MRGPRX3: variants seen among roughly 807,000 people sequenced by gnomAD.
MRGPRX3 encodes mas-related G protein-coupled receptor member X3.
A neutral mutation model predicts 16.5 loss-of-function variants in MRGPRX3; 14 were observed. The ratio of observed to expected loss-of-function variants is 0.85; its 90% CI spans 0.56 to 1.33. The LOEUF (loss-of-function observed/expected upper bound fraction) is 1.33, where lower values mean the gene tolerates loss of function less well. Ranked by LOEUF, MRGPRX3 falls within the 40% of genes most tolerant of loss-of-function variation. The pLI is 0.00. For missense variants in MRGPRX3, 449 were observed against 413.0 expected, an observed-to-expected ratio of 1.09 and a Z score of -0.76; for synonymous variants, 199 against 180.1, an observed-to-expected ratio of 1.10 and a Z score of -0.84.
chr11:18,126,976 G>A (rs546608649), intron 1 of MRGPRX3, among the ~76,000 whole-genome samples: 143 of 152,324 alleles, frequency 9.4e-4, no homozygotes, highest in Non-Finnish European at 1.6e-3. Flanking sequence ...CTTTATAGCA[G>A]CGTGATTTAT....
chr11:18,123,279 T>G lies in MRGPRX3; in HGVS notation c.-152+2115T>G, dbSNP rs532532555. Among the ~76,000 whole-genome samples the G allele has an allele frequency of 7.1e-4, 108 of 152,198 alleles. 1 individual carries two copies. Among genetic ancestry groups the G allele is most frequent in the African/African-American group, 2.4e-3 (100 of 41,464 alleles). ...TCCTTGCCCATGCCTATGTCCCGAA[T>G]GGTATTGCCTAGGTTTTCTTCTAGG... On this transcript the variant is annotated intron_variant, in intron 1 of 2. Transcript: ENST00000396275.
chr11:18,123,032 T>C (rs566434154), intron 1 of MRGPRX3, among the ~76,000 whole-genome samples: 37 of 152,142 alleles, frequency 2.4e-4, no homozygotes, highest in African/African-American at 8.9e-4. Flanking sequence ...TTTGATGGGG[T>C]TGTTTGTTTT....
rs543096248 is a variant in MRGPRX3 at position 18,137,338 on chromosome 11, G to C, written c.136G>C (p.Ala46Pro). The C allele has an allele frequency of 1.3e-4, 206 of 1,614,174 alleles. 1 individual carries two copies. Among genetic ancestry groups the C allele is most frequent in the Middle Eastern group, 1.2e-3 (7 of 6,062 alleles). ...IVSLVALTGN[A>P]VVLWLLGCRM... ...TTCCCTTGTCGCGCTGACAGGAAAC[G>C]CGGTTGTGCTCTGGCTCCTGGGCTG... The change falls in exon 2 of 2, where the codon GCG becomes CCG. Residue 46 changes from alanine (A) to proline (P), a missense_variant. Transcript: ENST00000621697.
intron 1 of MRGPRX3, among the ~76,000 whole-genome samples, chr11:18,121,424 A>T (rs79372227): frequency 6.6e-6 from 1 of 151,182 alleles, no homozygotes. Context: ...CCCCTCTGCC[A>T]GGCCACACGC....
intron 1 of MRGPRX3, among the ~76,000 whole-genome samples, chr11:18,125,864 G>C (rs1053593658): frequency 9.9e-5 from 15 of 152,140 alleles, no homozygotes; most frequent in Admixed American, 5.2e-4. Flanking sequence ...TTATGAATCT[G>C]GGTGCTCCTG....
In MRGPRX3 at chr11:18,137,209, T is replaced by C. The variant is rs1161421794; in HGVS notation, c.7T>C (p.Ser3Pro). Reference protein sequence around the residue: MDSTIPVLGTELT... With the variant: MDPTIPVLGTELT... ...CAGACTGGGGTTTCTGAGCATGGAT[T>C]CAACCATCCCAGTCTTGGGTACAGA... Residue 3 changes from serine (S) to proline (P), a missense_variant, in exon 2 of 2, where the codon TCA (serine) becomes CCA (proline). Physicochemically the swap from Ser to Pro is moderately conservative, Grantham distance 74 (BLOSUM62 -1). Coordinates refer to ENST00000621697, the MANE Select transcript of MRGPRX3 (RefSeq NM_001370464.1). The C allele has an allele frequency of 7.6e-6, 12 of 1,588,574 alleles. No homozygotes were observed. The highest frequency in any genetic ancestry group is 2.3e-5 in the South Asian group (2 of 87,304).
chr11:18,131,377 C>T (rs1423889551), upstream of MRGPRX3, among the ~76,000 whole-genome samples: 1 of 151,964 alleles, frequency 6.6e-6, no homozygotes, highest in South Asian at 2.1e-4. Context: ...GGGCTAAGGA[C>T]ATGAATAGAC....
rs372028884 is a variant in MRGPRX3, at chr11:18,137,343, T to A, written c.141T>A (p.Val47=). The change falls in exon 2 of 2, where the codon GTT becomes GTA. Residue 47 remains valine, a synonymous_variant. Transcript: ENST00000621697. ...VSLVALTGNA[V]VLWLLGCRMR... ...TTGTCGCGCTGACAGGAAACGCGGT[T>A]GTGCTCTGGCTCCTGGGCTGCCGCA... 1.3e-5 allele frequency: 21 copies of A among 1,614,162 alleles called. No individual in the cohort carries two copies. The highest frequency in any genetic ancestry group is 1.6e-4 in the Middle Eastern group (1 of 6,062).
At chr11:18,131,387 C>T (rs1257229861), upstream of MRGPRX3, among the ~76,000 whole-genome samples, 1 of 152,048 alleles carries the variant, frequency 6.6e-6, no homozygotes, top group Non-Finnish European at 1.5e-5. Context: ...CATGAATAGA[C>T]AATTCTCAAA....
rs201547024 is a variant in MRGPRX3, at chr11:18,137,621, C to T, written c.419C>T (p.Ser140Leu). Residue 140 changes from serine to leucine, a missense_variant, in exon 2 of 2, where the codon TCA (serine) becomes TTA (leucine). Transcript: ENST00000621697. ...TGCCGCCGCCCCAGATACCTGTCAT[C>T]AGTCATGTGTGTCCTGCTCTGGGCC... The part of the protein sequence containing the change: ...YHCRRPRYLS[S>L]VMCVLLWALS... 35 of 1,613,816 alleles carry T rather than the reference C, an allele frequency of 2.2e-5. No homozygotes were observed. Among genetic ancestry groups the T allele is most frequent in the Non-Finnish European group, 2.5e-5 (30 of 1,180,026 alleles).
rs1849021299 is a variant in MRGPRX3 at position 18,137,498 on chromosome 11, G to T, written c.296G>T (p.Ser99Ile). ...CGCCATCCCATCTCCAAAATCCTCA[G>T]TCCTGTGATGACCTTTCCCTACTTT... ...NIRHPISKIL[S>I]PVMTFPYFIG... Residue 99 changes from serine to isoleucine, a missense_variant, in exon 2 of 2, where the codon AGT becomes ATT. Transcript: ENST00000621697. The T allele has an allele frequency of 1.2e-6, 2 of 1,613,942 alleles. No homozygotes were observed. Among genetic ancestry groups the T allele is most frequent in the African/African-American group, 2.7e-5 (2 of 74,868 alleles).
At chr11:18,128,928 C>A (rs1256959661), upstream of MRGPRX3, among the ~76,000 whole-genome samples, 1 of 152,146 alleles carries the variant, frequency 6.6e-6, no homozygotes, top group Non-Finnish European at 1.5e-5. Context: ...GGCTCCACCC[C>A]CCTCCTGAAT....
chr11:18,123,909 T>C (rs1368445396), intron 1 of MRGPRX3, among the ~76,000 whole-genome samples: 3 of 152,230 alleles, frequency 2.0e-5, no homozygotes, highest in Non-Finnish European at 2.9e-5. Context: ...CTCACATCCC[T>C]TGTAAGCTGG....
At chr11:18,137,066 G>A (rs1849013271) in intron 1 of MRGPRX3, 112 bp from the exon 2 acceptor site, 1 of 1,150,818 alleles carries the variant, frequency 8.7e-7, no homozygotes, top group East Asian at 2.4e-5. Context: ...CTTATTCTCT[G>A]CGAGTCTCTG....
At position 18,138,092 on chromosome 11, in the gene MRGPRX3, A is replaced by G. The variant is rs1458167079; in HGVS notation, c.890A>G (p.Asp297Gly). The change falls in exon 2 of 2, where the codon GAC (aspartate) becomes GGC (glycine). Residue 297 changes from aspartate to glycine, a missense_variant. Physicochemically the swap from Asp to Gly is moderately conservative, Grantham distance 94. Coordinates refer to ENST00000621697, the MANE Select transcript of MRGPRX3 (RefSeq NM_001370464.1). ...LKLVLQRALQ[D>G]TPEVDEGGGW... ...CTGGTTCTCCAGAGGGCTCTGCAGGACACGCCTGAGGTGGATGAAGGTGGA... is the reference window on the plus strand; with the variant it reads ...CTGGTTCTCCAGAGGGCTCTGCAGGGCACGCCTGAGGTGGATGAAGGTGGA... The G allele has an allele frequency of 3.1e-6, 5 of 1,614,142 alleles. No individual in the cohort carries two copies. The highest frequency in any genetic ancestry group is 1.6e-4 in the Middle Eastern group (1 of 6,062).
intron 1 of MRGPRX3, among the ~76,000 whole-genome samples, chr11:18,121,655 A>G (rs1049229831): frequency 6.6e-6 from 1 of 152,272 alleles, no homozygotes; most frequent in Non-Finnish European, 1.5e-5. Flanking sequence ...TTCTGTACAA[A>G]GAAAGATTCT....
chr11:18,137,067 C>T (rs1346535220), intron 1 of MRGPRX3, 111 bp from the exon 2 acceptor site: 59 of 1,152,194 alleles, frequency 5.1e-5, no homozygotes, highest in Admixed American at 7.0e-5. Context: ...TTATTCTCTG[C>T]GAGTCTCTGA....
intron 1 of MRGPRX3, among the ~76,000 whole-genome samples, chr11:18,122,833 T>C (rs1302200382): frequency 6.6e-6 from 1 of 152,216 alleles, no homozygotes; most frequent in African/African-American, 2.4e-5. Flanking sequence ...TTTCTCCACA[T>C]CCTCTCCAGC....
chr11:18,138,218 C>A lies in MRGPRX3; in HGVS notation c.*47C>A. On this transcript the variant is annotated 3_prime_UTR_variant, in exon 2 of 2. Coordinates refer to ENST00000621697, the MANE Select transcript of MRGPRX3 (RefSeq NM_001370464.1). ...GACAGGACTTTGAGAGCAATGCTGC[C>A]CTGCCACCCTTGACAATTATATGCA... 6.5e-7 allele frequency: 1 copy of A among 1,539,214 alleles called. No homozygotes were observed. Among genetic ancestry groups the A allele is most frequent in the African/African-American group, 1.4e-5 (1 of 72,040 alleles).
Sources: gnomAD v4.1 joint callset for allele counts (sites outside exome capture counted in the v4.1 genomes callset) on GRCh38, gnomAD v4.1.1 for gene constraint, MANE v1.5 for transcripts, NCBI Gene and HGNC (gene_info 2026-07-23, HGNC 2026-07-21) for gene names.